Variants in HSP90B1 observed in about 807,000 individuals in gnomAD.
The protein encoded by HSP90B1 is heat shock protein 90 beta family member 1, also known as endoplasmin.
Under a neutral mutation model 100.4 loss-of-function variants are expected in HSP90B1, and 27 were observed. The observed-to-expected ratio is 0.27, with a 90% CI of 0.20 to 0.37. The LOEUF is 0.37. HSP90B1 is among the 10% of genes least tolerant of loss of function. The probability of loss-of-function intolerance (pLI) is 1.00; values close to 1 mark genes in which losing one functional copy is unlikely to be tolerated. For synonymous variants in HSP90B1, 304 were observed against 330.8 expected, an observed-to-expected ratio of 0.92 and a Z score of 0.88; for missense variants, 678 against 960.5, an observed-to-expected ratio of 0.71 and a Z score of 3.89.
At chr12:103,932,726 T>C (rs1869803448) in intron 3 of HSP90B1, 100 bp from the exon 4 acceptor site, 1 of 733,438 alleles carries the variant, frequency 1.4e-6, no homozygotes, top group East Asian at 2.5e-5. Context: ...AGAGTGCTTT[T>C]ATAAGGTACA....
Position 103,931,769 on chromosome 12 carries a change from C to T in HSP90B1, c.152+146C>T. 4.3e-6 allele frequency: 3 copies of T among 690,484 alleles called. No homozygotes were observed. In the South Asian group the frequency reaches 4.5e-5, roughly 10 times the overall value. The allele number at this position is 690,484 out of a possible 1,614,324, so 42.8% of individuals were successfully genotyped here. The stretch of plus-strand genomic sequence containing the variant: ...ACCCGGTGAGTTGTGTGCATACATA[C>T]CTCCTAACTTGTCCCTAGGAGTGAT... On this transcript the variant is annotated intron_variant, in intron 2 of 17. Coordinates refer to ENST00000299767, the MANE Select transcript of HSP90B1 (RefSeq NM_003299.3).
rs778667425 is a variant in HSP90B1, at chr12:103,931,715, A to G, written c.152+92A>G. Reference sequence around the variant, plus strand: ...TTATGTATCTCTTCTCCAAAGGTCCAGATAAAGTCTAACACCCTGTATTTA... The same window carrying G: ...TTATGTATCTCTTCTCCAAAGGTCCGGATAAAGTCTAACACCCTGTATTTA... On this transcript the variant is annotated intron_variant, in intron 2 of 17. Coordinates refer to ENST00000299767, the MANE Select transcript of HSP90B1 (RefSeq NM_003299.3). 16 of 913,126 alleles carry G rather than the reference A, an allele frequency of 1.8e-5. No homozygotes were observed. The Middle Eastern group carries it at 1.9e-3, about 109-fold the overall frequency. 56.6% of individuals were successfully genotyped at this position (913,126 alleles called of 1,614,324 possible). A position where few individuals can be genotyped will look rare whatever the true frequency, so the allele number is the denominator to read the frequency against.
intron 2 of HSP90B1, 74 bp from the exon 3 acceptor site, chr12:103,932,203 C>T: frequency 8.0e-7 from 1 of 1,257,446 alleles, no homozygotes; most frequent in Non-Finnish European, 1.1e-6. Context: ...GGCCCCTGTG[C>T]TTTCATCATA....
In HSP90B1 at chr12:103,943,187, G is replaced by A. The variant is rs1314452338; in HGVS notation, c.1758G>A (p.Lys586=). 1 of 1,614,086 alleles carries A rather than the reference G, an allele frequency of 6.2e-7. No homozygotes were observed. The highest frequency in any genetic ancestry group is 8.5e-7 in the Non-Finnish European group (1 of 1,180,038). The change falls in exon 13 of 18, where the codon AAG becomes AAA. Residue 586 remains lysine, a synonymous_variant. Transcript: ENST00000299767. The surrounding 1 kb of genome is among the most constrained non-coding windows in gnomAD (Gnocchi z 5.3). The part of the protein sequence containing the change: ...CIQALPEFDG[K]RFQNVAKEGV... ...AGGCCCTTCCCGAATTTGATGGGAAGAGGTTCCAGAATGTTGCCAAGGAAG... is the reference window on the plus strand; with the variant it reads ...AGGCCCTTCCCGAATTTGATGGGAAAAGGTTCCAGAATGTTGCCAAGGAAG...
At chr12:103,940,362 A>G (rs569374256) in intron 8 of HSP90B1, among the ~76,000 whole-genome samples, 1 of 151,280 alleles carries the variant, frequency 6.6e-6, no homozygotes, top group South Asian at 2.1e-4. Context: ...TCTTTTATTG[A>G]TCCCTTCTTG....
chr12:103,944,639 C>T (rs560860640), intron 14 of HSP90B1, among the ~76,000 whole-genome samples: 1 of 151,874 alleles, frequency 6.6e-6, no homozygotes, highest in Non-Finnish European at 1.5e-5. Flanking sequence ...TCACTGCAAC[C>T]TCCGCCTCCT....
At position 103,932,391 on chromosome 12, in the gene HSP90B1, C is replaced by T; in HGVS notation, c.267C>T (p.Ile89=). 6.2e-7 allele frequency: 1 copy of T among 1,612,206 alleles called. No homozygotes were observed. Among genetic ancestry groups the T allele is most frequent in the Non-Finnish European group, 8.5e-7 (1 of 1,179,082 alleles). ...AAGTTAACAGAATGATGAAACTTAT[C>T]ATCAATTCATTGTATAAAAATAAAG... is the stretch of plus-strand genomic sequence containing the variant. ...QAEVNRMMKL[I]INSLYKNKEI... is the part of the protein sequence containing the mutation. Residue 89 remains isoleucine (I), a synonymous_variant, in exon 3 of 18, where the codon ATC becomes ATT. Transcript: ENST00000299767.
At chr12:103,936,435 A>T (rs1354734201) in intron 5 of HSP90B1, among the ~76,000 whole-genome samples, 1 of 152,014 alleles carries the variant, frequency 6.6e-6, no homozygotes, top group Non-Finnish European at 1.5e-5. Context: ...TGAACCCAGG[A>T]GTTTGAGGTC....
intron 8 of HSP90B1, 65 bp from the exon 9 acceptor site, chr12:103,941,345 T>G: frequency 6.6e-7 from 1 of 1,526,662 alleles, no homozygotes; most frequent in South Asian, 1.2e-5. Context: ...CATAGTACAT[T>G]GCTTAGTTCT....
In HSP90B1 at chr12:103,930,622, G is replaced by C; in HGVS notation, c.49+58G>C. ...TCCACACACGCGGCCGCTTCTCGAA[G>C]GTCCTGGGGGCGTTGAACGTGGGAG... On this transcript the variant is annotated intron_variant, in intron 1 of 17. Transcript: ENST00000299767. The surrounding 1 kb of genome is among the most constrained non-coding windows in gnomAD (Gnocchi z 4.4). The C allele has an allele frequency of 6.5e-7, 1 of 1,535,078 alleles. No individual in the cohort carries two copies. Among genetic ancestry groups the C allele is most frequent in the South Asian group, 1.2e-5 (1 of 83,636 alleles).
At chr12:103,932,493 T>C in intron 3 of HSP90B1, 75 bp downstream of exon 3, 1 of 1,321,452 alleles carries the variant, frequency 7.6e-7, no homozygotes, top group South Asian at 1.4e-5. Context: ...CTTAATTTAC[T>C]GCAAAAGTAA....
At position 103,937,712 on chromosome 12, in the gene HSP90B1, A is replaced by C. The variant is rs1329706753; in HGVS notation, c.761A>C (p.Glu254Ala). 2.5e-6 allele frequency: 4 copies of C among 1,579,066 alleles called. No individual in the cohort carries two copies. The highest frequency in any genetic ancestry group is 1.3e-5 in the African/African-American group (1 of 74,148). Reference sequence around the variant, plus strand: ...TCTTGCAGCCTTGTCTTAAAAGAAGAAGCATCTGATTACCTTGAATTGGAT... The same window carrying C: ...TCTTGCAGCCTTGTCTTAAAAGAAGCAGCATCTGATTACCTTGAATTGGAT... ...GTTITLVLKE[E>A]ASDYLELDTI... Residue 254 changes from glutamate (E) to alanine (A), a missense_variant, in exon 6 of 18, where the codon GAA becomes GCA. By Grantham distance (107) the Glu-to-Ala change is moderately radical. Around this residue, in one of 8 missense-constraint regions of HSP90B1, gnomAD observed 238 missense variants for 346.7 expected, o/e 0.69. Coordinates refer to ENST00000299767, the MANE Select transcript of HSP90B1 (RefSeq NM_003299.3).
chr12:103,941,031 A>T (rs1870060357), intron 8 of HSP90B1, among the ~76,000 whole-genome samples: 1 of 152,194 alleles, frequency 6.6e-6, no homozygotes, highest in Non-Finnish European at 1.5e-5. Flanking sequence ...TACTTACTGT[A>T]GTTCAAGGGC....
intron 4 of HSP90B1, among the ~76,000 whole-genome samples, 172 bp from the exon 5 acceptor site, chr12:103,933,784 C>CT (rs1869830378): frequency 6.6e-6 from 1 of 152,182 alleles, no homozygotes; most frequent in African/African-American, 2.4e-5. Flanking sequence ...ACATAAATTA[C>CT]TTTAAGATGT....
At chr12:103,942,431 T>G (rs1593491425) in intron 11 of HSP90B1, 96 bp from the exon 12 acceptor site, 2 of 1,098,116 alleles carry the variant, frequency 1.8e-6, no homozygotes, top group Admixed American at 2.3e-5. Flanking sequence ...AATAACGATA[T>G]CGTCTTTGTG....
At chr12:103,931,659 C>A in intron 2 of HSP90B1, 36 bp downstream of exon 2, 1 of 1,434,816 alleles carries the variant, frequency 7.0e-7, no homozygotes, top group Non-Finnish European at 9.8e-7. Flanking sequence ...TACAGATAAG[C>A]CGTGTGAACC....
chr12:103,936,386 A>G (rs1869915030), intron 5 of HSP90B1, among the ~76,000 whole-genome samples: 1 of 152,186 alleles, frequency 6.6e-6, no homozygotes, highest in African/African-American at 2.4e-5. Context: ...TCATCCCTAT[A>G]ATCCCAGCAC....
intron 7 of HSP90B1, 44 bp from the exon 8 acceptor site, chr12:103,939,465 G>T: frequency 1.2e-6 from 1 of 833,808 alleles, no homozygotes; most frequent in Non-Finnish European, 1.9e-6. Flanking sequence ...GGATAACCTT[G>T]GTGAGTGCTG....
chr12:103,931,376 T>C (rs763455657), intron 1 of HSP90B1, 145 bp from the exon 2 acceptor site: 1 of 604,604 alleles, frequency 1.7e-6, no homozygotes, highest in Non-Finnish European at 3.0e-6. Context: ...TGGCTTTACC[T>C]TTGGTATTTA....
Sources: gnomAD v4.1 joint callset for allele counts (sites outside exome capture counted in the v4.1 genomes callset) on GRCh38, gnomAD v4.1.1 for gene constraint, gnomAD v4.1.1 regional missense constraint, Gnocchi (gnomAD v3.1) non-coding constraint, MANE v1.5 for transcripts, NCBI Gene and HGNC (gene_info 2026-07-23, HGNC 2026-07-21) for gene names.